The following NQO2 variants were observed in gnomAD, a reference collection of about 807,000 sequenced individuals.
NQO2 encodes ribosyldihydronicotinamide dehydrogenase [quinone].
Under a neutral mutation model 22.0 loss-of-function variants are expected in NQO2, and 18 were observed. That is an observed-to-expected ratio of 0.82 (90% CI 0.56 to 1.21). The LOEUF (loss-of-function observed/expected upper bound fraction) is 1.21, where lower values mean the gene tolerates loss of function less well. Ranked by LOEUF, NQO2 falls within the 50% of genes most tolerant of loss-of-function variation. NQO2 has a pLI of 0.00. For synonymous variants in NQO2, 106 were observed against 110.8 expected (o/e 0.96, Z 0.28); for missense variants, 267 against 286.9 (o/e 0.93, Z 0.50).
intron 1 of NQO2, among the ~76,000 whole-genome samples, chr6:3,002,541 C>T (rs1369242805): frequency 1.3e-5 from 2 of 152,118 alleles, no homozygotes; most frequent in East Asian, 1.9e-4. Flanking sequence ...AACTCCTGAC[C>T]TCAGGTGATC....
intron 5 of NQO2, 181 bp from the exon 6 acceptor site, chr6:3,016,703 C>T (rs945332841): frequency 1.0e-6 from 1 of 959,868 alleles, no homozygotes; most frequent in Non-Finnish European, 1.2e-6. Flanking sequence ...CTTGGATTGT[C>T]TCCTCCTCCT....
chr6:3,007,373 A>G (rs1756988632), intron 2 of NQO2, among the ~76,000 whole-genome samples: 1 of 152,204 alleles, frequency 6.6e-6, no homozygotes, highest in South Asian at 2.1e-4. Context: ...CCCTAAGTAT[A>G]GTTCCTTTAT....
chr6:3,016,674 T>C lies in NQO2; in HGVS notation c.418-210T>C, dbSNP rs1436297022. The C allele has an allele frequency of 7.1e-6, 6 of 847,820 alleles. No individual in the cohort carries two copies. In the African/African-American group the frequency reaches 1.1e-4, roughly 16 times the overall value. 52.5% of individuals were successfully genotyped at this position (847,820 alleles called of 1,614,324 possible). The stretch of plus-strand genomic sequence containing the variant: ...CAACCTGGGCATGTTAGAGCTTCTG[T>C]GTCTGCTTGGTCCATTCACTTGGAT... On this transcript the variant is annotated intron_variant, in intron 5 of 6. Coordinates refer to ENST00000380455, the MANE Select transcript of NQO2 (RefSeq NM_000904.6).
At chr6:3,011,717 C>A (rs745963966) in intron 3 of NQO2, among the ~76,000 whole-genome samples, 1 of 152,160 alleles carries the variant, frequency 6.6e-6, no homozygotes, top group Non-Finnish European at 1.5e-5. Context: ...AACAGAGCTC[C>A]AGTTCATCTG....
chr6:3,005,784 A>G (rs1756931419), intron 1 of NQO2: 2 of 985,222 alleles, frequency 2.0e-6, no homozygotes. Flanking sequence ...GCACATAGCA[A>G]CTGTCTCTCT....
intron 6 of NQO2, among the ~76,000 whole-genome samples, chr6:3,017,696 G>T (rs1757383923): frequency 6.6e-6 from 1 of 152,142 alleles, no homozygotes; most frequent in African/African-American, 2.4e-5. Context: ...AGGGGTGGCA[G>T]AGGGAGGGAG....
intron 3 of NQO2, 100 bp from the exon 4 acceptor site, chr6:3,012,444 C>T: frequency 2.0e-6 from 3 of 1,517,590 alleles, no homozygotes; most frequent in East Asian, 2.3e-5. Context: ...ATGTCTTTGA[C>T]TTGTCTGAGG....
At chr6:3,016,781 G>A (rs1581335500) in intron 5 of NQO2, 103 bp from the exon 6 acceptor site, 3 of 1,527,442 alleles carry the variant, frequency 2.0e-6, no homozygotes, top group South Asian at 2.4e-5. Flanking sequence ...GTGTCCACAC[G>A]CATGTTCCCT....
At chr6:3,018,800 C>A (rs1035483044) in intron 6 of NQO2, among the ~76,000 whole-genome samples, 16 of 151,562 alleles carry the variant, frequency 1.1e-4, no homozygotes, top group Non-Finnish European at 1.3e-4. Flanking sequence ...GTGTCATTAG[C>A]CAAGTTCAAA....
intron 4 of NQO2, among the ~76,000 whole-genome samples, 200 bp downstream of exon 4, chr6:3,012,874 A>C (rs114004101): frequency 0.064 from 9,546 of 149,794 alleles, 341 homozygotes; most frequent in Non-Finnish European, 0.072. Flanking sequence ...CCTAGTTACA[A>C]CACTTCACCT....
At position 3,015,797 on chromosome 6, in the gene NQO2, G is replaced by A. The variant is rs184355935; in HGVS notation, c.417+154G>A. Among the ~76,000 whole-genome samples, 3 of 152,350 alleles carry A rather than the reference G, an allele frequency of 2.0e-5. No individual in the cohort carries two copies. In the East Asian group the frequency reaches 5.8e-4, roughly 29 times the overall value. ...ACAAAGCACCATGTGCTGCACACGG[G>A]TGGACACAGCATCGTTTCTGAAATC... On this transcript the variant is annotated intron_variant, in intron 5 of 6. Transcript: ENST00000380455.
In NQO2 at chr6:3,015,521, C is replaced by T. The variant is rs368688245; in HGVS notation, c.304-9C>T. Reference sequence around the variant, plus strand: ...AGCCTCAGTTTCTCTTTGGTGTTGCCGCCCACAGTTCCCGCTGTACTGGTT... The same window carrying T: ...AGCCTCAGTTTCTCTTTGGTGTTGCTGCCCACAGTTCCCGCTGTACTGGTT... On this transcript the variant is annotated splice_polypyrimidine_tract_variant and intron_variant, in intron 4 of 6. Transcript: ENST00000380455. 154 of 1,610,978 alleles carry T rather than the reference C, an allele frequency of 9.6e-5. 1 individual carries two copies. Among genetic ancestry groups the T allele is most frequent in the South Asian group, 2.2e-4 (20 of 90,544 alleles).
Position 3,004,479 on chromosome 6 carries a change from T to G in NQO2, c.-85-1989T>G. 4 of 985,944 alleles carry G rather than the reference T, an allele frequency of 4.1e-6. No homozygotes were observed. The South Asian group carries it at 1.4e-4, about 35-fold the overall frequency. The allele number at this position is 985,944 out of a possible 1,614,324, so 61.1% of individuals were successfully genotyped here. A position where few individuals can be genotyped will look rare whatever the true frequency, so the allele number is the denominator to read the frequency against. On this transcript the variant is annotated intron_variant, in intron 1 of 6. Transcript: ENST00000380455. ...TCAGCCACAATGATGTAGCCTCTTT[T>G]CCTTTCCATCCACAGGGCACCTGGC...
intron 5 of NQO2, among the ~76,000 whole-genome samples, chr6:3,016,268 T>TA (rs1757322131): frequency 1.3e-5 from 2 of 151,684 alleles, no homozygotes; most frequent in East Asian, 3.9e-4. Context: ...CCATCTCTAC[T>TA]AAAAATACAA....
At chr6:3,017,072 A>G in intron 6 of NQO2, 87 bp downstream of exon 6, 2 of 1,467,454 alleles carry the variant, frequency 1.4e-6, no homozygotes, top group Non-Finnish European at 1.9e-6. Context: ...ACACACACGC[A>G]CACACATACA....
In NQO2 at chr6:3,019,382, G is replaced by C; in HGVS notation, c.520-97G>C. 3.4e-6 allele frequency: 5 copies of C among 1,462,318 alleles called. No homozygotes were observed. The South Asian group carries it at 6.1e-5, about 18-fold the overall frequency. The allele number at this position is 1,462,318 out of a possible 1,614,324, so 90.6% of individuals were successfully genotyped here. ...AAGGTTGTTTCATGATTTTTTGAAGGTTTGTTTCACACCATTTCCCCCCTT... is the reference window on the plus strand; with the variant it reads ...AAGGTTGTTTCATGATTTTTTGAAGCTTTGTTTCACACCATTTCCCCCCTT... On this transcript the variant is annotated intron_variant, in intron 6 of 6. Coordinates refer to ENST00000380455, the MANE Select transcript of NQO2 (RefSeq NM_000904.6).
intron 5 of NQO2, 58 bp downstream of exon 5, chr6:3,015,701 C>T (rs1757304580): frequency 4.1e-6 from 6 of 1,468,532 alleles, no homozygotes; most frequent in South Asian, 3.5e-5. Context: ...ACAGAGGATG[C>T]GTCTTCTATC....
rs28383650 is a variant in NQO2 at position 3,019,456 on chromosome 6, C to A, written c.520-23C>A. The A allele has an allele frequency of 1.6e-3, 2,576 of 1,599,964 alleles. 38 individuals are homozygous for A. The African/African-American group carries it at 0.027, about 17-fold the overall frequency. The stretch of plus-strand genomic sequence containing the variant: ...TAACAGGTGTAGTTTCTAATGAGTT[C>A]TTTTCTTCCCCTGTGGCTTTAGCAT... On this transcript the variant is annotated intron_variant, in intron 6 of 6. Transcript: ENST00000380455.
At chr6:3,019,394 C>T (rs975576209) in intron 6 of NQO2, 85 bp from the exon 7 acceptor site, 1 of 1,483,760 alleles carries the variant, frequency 6.7e-7, no homozygotes, top group Non-Finnish European at 8.9e-7. Flanking sequence ...TTGTTTCACA[C>T]CATTTCCCCC....
Sources: gnomAD v4.1 joint callset for allele counts (sites outside exome capture counted in the v4.1 genomes callset) on GRCh38, gnomAD v4.1.1 for gene constraint, MANE v1.5 for transcripts, NCBI Gene and HGNC (gene_info 2026-07-23, HGNC 2026-07-21) for gene names.